Variants in NEK11 observed in about 807,000 individuals in gnomAD.
NEK11 encodes the protein NIMA related kinase 11, also known as serine/threonine-protein kinase Nek11.
A neutral mutation model predicts 80.7 loss-of-function variants in NEK11; 72 were observed. The ratio of observed to expected loss-of-function variants is 0.89; its 90% CI spans 0.74 to 1.08. The LOEUF is 1.08. Ranked by LOEUF, NEK11 falls within the 50% of genes least tolerant of loss-of-function variation. The pLI is 0.00. For synonymous variants in NEK11, 251 were observed against 260.7 expected (o/e 0.96, Z 0.36); for missense variants, 764 against 763.6 (o/e 1.00, Z -0.01).
Position 131,217,204 on chromosome 3 carries a change from A to G in NEK11, c.1400-11324A>G, listed in dbSNP as rs139951578. Among the ~76,000 whole-genome samples the G allele has an allele frequency of 2.8e-3, 432 of 152,346 alleles. 3 individuals carry two copies. The highest frequency in any genetic ancestry group is 0.013 in the East Asian group (69 of 5,184). ...TTAAAAATTGAAAAGGAAAAAATAA[A>G]ATACAATATATGTTGAATTGAAGTT... On this transcript the variant is annotated intron_variant, in intron 14 of 17. Transcript: ENST00000383366.
At chr3:131,275,764 G>A (rs1036403936) in intron 17 of NEK11, among the ~76,000 whole-genome samples, 4 of 152,208 alleles carry the variant, frequency 2.6e-5, no homozygotes, top group African/African-American at 9.6e-5. Context: ...TCTCTGCACT[G>A]TGATATACTG....
chr3:131,235,246 G>C (rs2095411134), intron 15 of NEK11, among the ~76,000 whole-genome samples: 1 of 152,100 alleles, frequency 6.6e-6, no homozygotes, highest in Non-Finnish European at 1.5e-5. Context: ...AAGAGTAGTT[G>C]CAGTGGACCC....
intron 7 of NEK11, among the ~76,000 whole-genome samples, chr3:131,138,292 A>G (rs2086056353): frequency 6.6e-6 from 1 of 152,184 alleles, no homozygotes; most frequent in Non-Finnish European, 1.5e-5. Flanking sequence ...GTAGGCCTGT[A>G]GTGGTGGTGG....
rs1316691880 is a variant in NEK11 at position 131,302,447 on chromosome 3, GGTT to G, written c.1718+28877_1718+28879del. On this transcript the variant is annotated intron_variant, in intron 17 of 17. Transcript: ENST00000383366. ...TCTAATTCTTGTAGTTGTGATGTTA[GGTT>G]GTTAATTTGAGATCTAACTTTTTGA... Among the ~76,000 whole-genome samples, 53 of 152,034 alleles carry G rather than the reference GGTT, an allele frequency of 3.5e-4. 1 individual carries two copies. The highest frequency in any genetic ancestry group is 7.2e-4 in the Admixed American group (11 of 15,262).
chr3:131,218,103 C>G (rs2094903124), intron 14 of NEK11, among the ~76,000 whole-genome samples: 1 of 152,160 alleles, frequency 6.6e-6, no homozygotes, highest in Admixed American at 6.5e-5. Flanking sequence ...GACTATTTTT[C>G]TTTAAGAGAT....
chr3:131,313,771 A>G (rs540610079), intron 17 of NEK11, among the ~76,000 whole-genome samples: 1 of 152,346 alleles, frequency 6.6e-6, no homozygotes, highest in Non-Finnish European at 1.5e-5. Flanking sequence ...AGGGGACTTT[A>G]CAACAAACAC....
chr3:131,191,562 T>C (rs1277191233), intron 14 of NEK11, among the ~76,000 whole-genome samples: 1 of 152,158 alleles, frequency 6.6e-6, no homozygotes, highest in Non-Finnish European at 1.5e-5. Flanking sequence ...GGCAGCTAAT[T>C]AACAATCTTA....
chr3:131,073,671 T>C (rs1032060660), intron 3 of NEK11, among the ~76,000 whole-genome samples: 3 of 152,332 alleles, frequency 2.0e-5, no homozygotes, highest in Admixed American at 6.5e-5. Context: ...GGAATCTTTA[T>C]TTGCTAGCCA....
At chr3:131,289,730 A>C (rs2096524384) in intron 17 of NEK11, among the ~76,000 whole-genome samples, 1 of 152,230 alleles carries the variant, frequency 6.6e-6, no homozygotes, top group African/African-American at 2.4e-5. Context: ...TGCCAGCAGC[A>C]TCACAGCTTG....
chr3:131,075,412 T>A (rs1031082852), intron 3 of NEK11, among the ~76,000 whole-genome samples: 1 of 152,198 alleles, frequency 6.6e-6, no homozygotes, highest in African/African-American at 2.4e-5. Flanking sequence ...CTCTACTCTT[T>A]TTTTTCCCCT....
At chr3:131,159,261 G>A (rs140668897) in intron 10 of NEK11, among the ~76,000 whole-genome samples, 1 of 152,158 alleles carries the variant, frequency 6.6e-6, no homozygotes. Context: ...CAGTACCTCC[G>A]TAGCAAGGGT....
At chr3:131,108,565 C>T (rs2079560095) in intron 4 of NEK11, among the ~76,000 whole-genome samples, 1 of 152,048 alleles carries the variant, frequency 6.6e-6, no homozygotes, top group South Asian at 2.1e-4. Context: ...TAGCATTTGA[C>T]ATTTTTATTT....
chr3:131,313,906 T>C (rs749255796), intron 17 of NEK11, among the ~76,000 whole-genome samples: 2 of 152,214 alleles, frequency 1.3e-5, no homozygotes, highest in Non-Finnish European at 2.9e-5. Flanking sequence ...ATTGGCAATT[T>C]TTAAAACTCA....
intron 14 of NEK11, among the ~76,000 whole-genome samples, chr3:131,202,777 C>A (rs2094291508): frequency 6.6e-6 from 1 of 152,138 alleles, no homozygotes; most frequent in Admixed American, 6.5e-5. Flanking sequence ...AGGATATGAA[C>A]AGACACTTCT....
At chr3:131,302,528 C>G (rs1242989519) in intron 17 of NEK11, among the ~76,000 whole-genome samples, 1 of 152,102 alleles carries the variant, frequency 6.6e-6, no homozygotes, top group East Asian at 1.9e-4. Context: ...TAGCTGTGTC[C>G]CAGAGATTCT....
At chr3:131,073,797 T>C (rs552509233) in intron 3 of NEK11, among the ~76,000 whole-genome samples, 70 of 152,272 alleles carry the variant, frequency 4.6e-4, no homozygotes, top group African/African-American at 1.7e-3. Flanking sequence ...CACTTAACAT[T>C]TTCTTATGCA....
chr3:131,202,470 C>G (rs571194900), intron 14 of NEK11, among the ~76,000 whole-genome samples: 1 of 152,178 alleles, frequency 6.6e-6, no homozygotes, highest in Non-Finnish European at 1.5e-5. Flanking sequence ...GCAGGTCCCA[C>G]GCCCATGGAG....
intron 3 of NEK11, among the ~76,000 whole-genome samples, chr3:131,045,564 T>C (rs1182359580): frequency 6.6e-6 from 1 of 152,188 alleles, no homozygotes; most frequent in Non-Finnish European, 1.5e-5. Context: ...GTTTTATGGC[T>C]TATCATATGG....
chr3:131,144,624 T>G (rs1419444858), intron 7 of NEK11, among the ~76,000 whole-genome samples: 1 of 152,184 alleles, frequency 6.6e-6, no homozygotes, highest in African/African-American at 2.4e-5. Context: ...TGTTAAAGTT[T>G]GGGAAACACT....
Sources: gnomAD v4.1 joint callset for allele counts (sites outside exome capture counted in the v4.1 genomes callset) on GRCh38, gnomAD v4.1.1 for gene constraint, MANE v1.5 for transcripts, NCBI Gene and HGNC (gene_info 2026-07-23, HGNC 2026-07-21) for gene names.